The following PTPN21 variants were observed in gnomAD, a reference collection of about 807,000 sequenced individuals.
PTPN21 encodes tyrosine-protein phosphatase non-receptor type 21.
A neutral mutation model predicts 131.8 loss-of-function variants in PTPN21; 77 were observed. The ratio of observed to expected loss-of-function variants is 0.58; its 90% CI spans 0.49 to 0.71. The LOEUF is 0.71. PTPN21 is among the 30% of genes least tolerant of loss of function. The probability of loss-of-function intolerance (pLI) is 0.00; values close to 1 mark genes in which losing one functional copy is unlikely to be tolerated. For synonymous variants in PTPN21, 715 were observed against 621.3 expected, an observed-to-expected ratio of 1.15 and a Z score of -2.24; for missense variants, 1,552 against 1,527.1, an observed-to-expected ratio of 1.02 and a Z score of -0.27.
chr14:88,510,512 C>T (rs902616551), intron 3 of PTPN21, among the ~76,000 whole-genome samples: 3 of 152,174 alleles, frequency 2.0e-5, no homozygotes, highest in Non-Finnish European at 2.9e-5. Context: ...ACCCAAAGGT[C>T]TTGTTCTTAA....
At chr14:88,494,871 G>A (rs1034574987) in intron 10 of PTPN21, among the ~76,000 whole-genome samples, 1 of 151,534 alleles carries the variant, frequency 6.6e-6, no homozygotes, top group African/African-American at 2.4e-5. Flanking sequence ...AAATTAGCTG[G>A]GCGTGGTGGC....
chr14:88,473,292 C>G (rs937328689), intron 14 of PTPN21, among the ~76,000 whole-genome samples: 1 of 152,098 alleles, frequency 6.6e-6, no homozygotes, highest in African/African-American at 2.4e-5. Flanking sequence ...AATTGAGAAA[C>G]TACTCTCGAG....
At chr14:88,542,026 A>T (rs2078713897) in intron 2 of PTPN21, among the ~76,000 whole-genome samples, 1 of 152,170 alleles carries the variant, frequency 6.6e-6, no homozygotes, top group Non-Finnish European at 1.5e-5. Context: ...TTTGCATCAG[A>T]TCTCAAAGGG....
intron 10 of PTPN21, among the ~76,000 whole-genome samples, chr14:88,492,684 C>G (rs1278598999): frequency 1.3e-5 from 2 of 152,212 alleles, no homozygotes; most frequent in African/African-American, 4.8e-5. Context: ...CTTCCACAGC[C>G]TTTCTCCTTC....
chr14:88,505,736 G>A (rs996054670), intron 4 of PTPN21, among the ~76,000 whole-genome samples: 2 of 152,022 alleles, frequency 1.3e-5, no homozygotes, highest in African/African-American at 4.8e-5. Context: ...TGACCTCTGG[G>A]GAATAGACTT....
intron 3 of PTPN21, among the ~76,000 whole-genome samples, chr14:88,514,285 A>G (rs1267021143): frequency 1.3e-5 from 2 of 152,096 alleles, no homozygotes; most frequent in African/African-American, 4.8e-5. Context: ...AATTATTCCC[A>G]AGCTTTTCTA....
At chr14:88,497,837 C>T (rs111287142) in intron 8 of PTPN21, among the ~76,000 whole-genome samples, 5,362 of 151,962 alleles carry the variant, frequency 0.035, 317 homozygotes, top group African/African-American at 0.12. Context: ...TGGTGGCTCA[C>T]GCCTGCAATC....
In PTPN21 at chr14:88,500,788, T is replaced by C. The variant is rs766002062; in HGVS notation, c.759A>G (p.Val253=). 5 of 1,608,000 alleles carry C rather than the reference T, an allele frequency of 3.1e-6. No individual in the cohort carries two copies. The highest frequency in any genetic ancestry group is 4.3e-6 in the Non-Finnish European group (5 of 1,174,468). ...AAAAGAGGTAAGAAAAATACCTAAA[T>C]ACCACAGGATGCCTTCCATTCTTGT... is the stretch of plus-strand genomic sequence containing the variant. ...VKHKNGRHPV[V]FRWHDIANMS... is the part of the protein sequence containing the mutation. Residue 253 remains valine (V), a synonymous_variant, in exon 8 of 19, where the codon GTA becomes GTG. Coordinates refer to ENST00000556564, the MANE Select transcript of PTPN21 (RefSeq NM_007039.4).
In PTPN21 at chr14:88,469,636, C is replaced by T. The variant is rs752596905; in HGVS notation, c.3098G>A (p.Arg1033His). Reference sequence around the variant, plus strand: ...GGTGGCATAGCAGCCAGAGTCTGTGCGGAACCGGGTCGTGATCTTAAACCT... The same window carrying T: ...GGTGGCATAGCAGCCAGAGTCTGTGTGGAACCGGGTCGTGATCTTAAACCT... ...YGRFKITTRF[R>H]TDSGCYATTG... The change falls in exon 17 of 19, where the codon CGC becomes CAC. Residue 1033 changes from arginine (R) to histidine (H), a missense_variant. Coordinates refer to ENST00000556564, the MANE Select transcript of PTPN21 (RefSeq NM_007039.4). This position sits in a 1 kb window ranked among gnomAD's most constrained non-coding sequence, Gnocchi z 4.3. 17 of 1,614,026 alleles carry T rather than the reference C, an allele frequency of 1.1e-5. No homozygotes were observed. The highest frequency in any genetic ancestry group is 5.3e-5 in the African/African-American group (4 of 74,890).
intron 2 of PTPN21, among the ~76,000 whole-genome samples, chr14:88,519,102 T>C (rs2139317786): frequency 6.6e-6 from 1 of 152,256 alleles, no homozygotes; most frequent in Non-Finnish European, 1.5e-5. Flanking sequence ...GTCTTAGCAT[T>C]TAGATCTCAC....
chr14:88,508,150 GT>G (rs34305703), intron 3 of PTPN21, 130 bp from the exon 4 acceptor site: 25,235 of 394,824 alleles, frequency 0.064, 47 homozygotes, highest in Middle Eastern at 0.1. Context: ...GGTTGTGTGT[GT>G]TTTTTTTTTT....
chr14:88,550,424 C>T lies in PTPN21; in HGVS notation c.-7G>A. The T allele has an allele frequency of 6.2e-7, 1 of 1,612,710 alleles. No individual in the cohort carries two copies. Among genetic ancestry groups the T allele is most frequent in the Non-Finnish European group, 8.5e-7 (1 of 1,179,090 alleles). On this transcript the variant is annotated 5_prime_UTR_variant, in exon 2 of 19. Transcript: ENST00000556564. ...ACCCAAATGGCAGTGGCATCTTCTT[C>T]TTTCTTCAAGAATGGAGGAGCAAAG...
Position 88,497,264 on chromosome 14 carries a change from T to G in PTPN21, c.791A>C (p.His264Pro), listed in dbSNP as rs990149467. ...FRWHDIANMS[H>P]NKSFFALELA... ...CTCTAATGCAAAAAAGGACTTGTTG[T>G]GGGACATGTTGGCAATGTCATGCCA... The change falls in exon 9 of 19, where the codon CAC becomes CCC. Residue 264 changes from histidine (H) to proline (P), a missense_variant. Around this residue, in one of 4 missense-constraint regions of PTPN21, gnomAD observed 1,016 missense variants for 883.5 expected, o/e 1.15. Coordinates refer to ENST00000556564, the MANE Select transcript of PTPN21 (RefSeq NM_007039.4). 1 of 1,613,544 alleles carries G rather than the reference T, an allele frequency of 6.2e-7. No homozygotes were observed. The highest frequency in any genetic ancestry group is 8.5e-7 in the Non-Finnish European group (1 of 1,179,452).
rs368507904 is a variant in PTPN21 at position 88,501,984 on chromosome 14, C to A, written c.588-616G>T. ...TGGGCAACAAAAAAACAAAAAAAAA[C>A]AAAAATAAAAACAACAAAATATGAG... is the stretch of plus-strand genomic sequence containing the variant. On this transcript the variant is annotated intron_variant, in intron 6 of 18. Coordinates refer to ENST00000556564, the MANE Select transcript of PTPN21 (RefSeq NM_007039.4). Among the ~76,000 whole-genome samples the A allele has an allele frequency of 1.2e-3, 175 of 151,394 alleles. 4 individuals carry two copies. Among genetic ancestry groups the A allele is most frequent in the African/African-American group, 4.0e-3 (164 of 41,160 alleles).
chr14:88,513,325 C>A (rs983830136), intron 3 of PTPN21, among the ~76,000 whole-genome samples: 8 of 152,082 alleles, frequency 5.3e-5, no homozygotes, highest in Admixed American at 5.2e-4. Flanking sequence ...CCACCACACT[C>A]GGCTCATTTT....
At chr14:88,533,803 C>T (rs962657743) in intron 2 of PTPN21, among the ~76,000 whole-genome samples, 8 of 151,932 alleles carry the variant, frequency 5.3e-5, no homozygotes, top group South Asian at 2.1e-4. Context: ...CCCAGAAGTT[C>T]GAGGCTGCAG....
chr14:88,492,729 G>A (rs1441292511), intron 10 of PTPN21, among the ~76,000 whole-genome samples: 1 of 152,160 alleles, frequency 6.6e-6, no homozygotes, highest in African/African-American at 2.4e-5. Flanking sequence ...GCCCTTGTTA[G>A]ACTTTGCCTC....
intron 10 of PTPN21, among the ~76,000 whole-genome samples, chr14:88,492,583 A>G (rs1350415377): frequency 2.6e-5 from 4 of 152,148 alleles, no homozygotes; most frequent in African/African-American, 9.7e-5. Flanking sequence ...ACCACTGGCC[A>G]GCTCCCCGTC....
chr14:88,520,877 T>A (rs1009412837), intron 2 of PTPN21, among the ~76,000 whole-genome samples: 4 of 152,182 alleles, frequency 2.6e-5, no homozygotes, highest in African/African-American at 9.7e-5. Flanking sequence ...AGAGTTGCAC[T>A]CTATCACTCA....
Sources: allele counts gnomAD v4.1 joint callset (sites outside exome capture counted in the v4.1 genomes callset), GRCh38; gene constraint gnomAD v4.1.1; regional missense constraint gnomAD v4.1.1; non-coding constraint Gnocchi (gnomAD v3.1); transcripts MANE v1.5; gene names NCBI Gene and HGNC (gene_info 2026-07-23, HGNC 2026-07-21).